Variants in NCBP1 observed in about 807,000 individuals in gnomAD.
NCBP1 encodes the protein nuclear cap-binding protein subunit 1.
Under a neutral mutation model 111.7 loss-of-function variants are expected in NCBP1, and 16 were observed. The observed-to-expected ratio is 0.14, with a 90% CI of 0.10 to 0.22. The LOEUF is 0.22. Ranked by LOEUF, NCBP1 falls within the 10% of genes least tolerant of loss-of-function variation. NCBP1 has a pLI of 1.00. For synonymous variants in NCBP1, 304 were observed against 314.3 expected, an observed-to-expected ratio of 0.97 and a Z score of 0.35; for missense variants, 607 against 957.5, an observed-to-expected ratio of 0.63 and a Z score of 4.83.
chr9:97,643,987 G>A (rs1827269378), intron 4 of NCBP1, among the ~76,000 whole-genome samples: 1 of 152,134 alleles, frequency 6.6e-6, no homozygotes, highest in Non-Finnish European at 1.5e-5. Context: ...CCTTCCCATT[G>A]TCTACAGTGA....
At chr9:97,640,299 A>C (rs1247931496) in intron 1 of NCBP1, among the ~76,000 whole-genome samples, 2 of 152,068 alleles carry the variant, frequency 1.3e-5, no homozygotes, top group Admixed American at 1.3e-4. Context: ...TTTTCTGATC[A>C]AGTCTTTCCA....
Position 97,641,553 on chromosome 9 carries a change from C to T in NCBP1, c.124-9C>T. The T allele has an allele frequency of 6.2e-7, 1 of 1,600,458 alleles. No homozygotes were observed. Among genetic ancestry groups the T allele is most frequent in the Non-Finnish European group, 8.5e-7 (1 of 1,171,032 alleles). ...ACTTGACAGATATTTAATGTGATGTCCTCTACAGAGTGCCTGCTCTTTGGA... is the reference window on the plus strand; with the variant it reads ...ACTTGACAGATATTTAATGTGATGTTCTCTACAGAGTGCCTGCTCTTTGGA... On this transcript the variant is annotated splice_polypyrimidine_tract_variant and intron_variant, in intron 2 of 22. Coordinates refer to ENST00000375147, the MANE Select transcript of NCBP1 (RefSeq NM_002486.5).
chr9:97,668,464 G>A (rs1450810633), intron 20 of NCBP1, among the ~76,000 whole-genome samples: 5 of 152,128 alleles, frequency 3.3e-5, no homozygotes, highest in Admixed American at 1.3e-4. Context: ...GAGCAGCCTT[G>A]GCCCATAGGA....
intron 3 of NCBP1, among the ~76,000 whole-genome samples, 177 bp from the exon 4 acceptor site, chr9:97,643,027 A>G (rs1385069251): frequency 6.6e-6 from 1 of 152,084 alleles, no homozygotes; most frequent in South Asian, 2.1e-4. Flanking sequence ...ATGAAAAATT[A>G]CGGGACTATG....
At chr9:97,647,609 A>G (rs753881056) in intron 7 of NCBP1, 48 bp downstream of exon 7, 3 of 1,429,752 alleles carry the variant, frequency 2.1e-6, no homozygotes, top group Non-Finnish European at 3.0e-6. Context: ...CAGCTCTTGA[A>G]TAGATTCTTA....
intron 1 of NCBP1, among the ~76,000 whole-genome samples, chr9:97,636,559 TATAA>T (rs1827037513): frequency 6.9e-6 from 1 of 145,486 alleles, no homozygotes; most frequent in South Asian, 2.1e-4. Context: ...ATAAGTTTTA[TATAA>T]ATATATACTC....
chr9:97,671,518 A>G lies in NCBP1; in HGVS notation c.*319A>G, dbSNP rs571249439. 8.1e-5 allele frequency: 20 copies of G among 246,028 alleles called. No homozygotes were observed. The South Asian group carries it at 9.8e-4, about 12-fold the overall frequency. The allele number at this position is 246,028 out of a possible 1,614,324, so 15.2% of individuals were successfully genotyped here. On this transcript the variant is annotated 3_prime_UTR_variant, in exon 23 of 23. Transcript: ENST00000375147. ...GAGGTATGTGAAACACTAGAGGTCA[A>G]CCTTACATAGTATATAGAACTGATG...
chr9:97,672,916 C>CA lies in NCBP1; in HGVS notation c.*1718dup, dbSNP rs1274759314. On this transcript the variant is annotated 3_prime_UTR_variant, in exon 23 of 23. Transcript: ENST00000375147. ...GGCTGAGGCGGGCGGATCACAAGGT[C>CA]AGGAGATTGAGACCATCCTGGCTAA... 6.5e-6 allele frequency: 1 copy of CA among 152,964 alleles called. No individual in the cohort carries two copies. The highest frequency in any genetic ancestry group is 6.5e-5 in the Admixed American group (1 of 15,280). The allele number at this position is 152,964 out of a possible 1,614,324, so 9.5% of individuals were successfully genotyped here.
At chr9:97,651,870 T>C (rs1210100673) in intron 10 of NCBP1, among the ~76,000 whole-genome samples, 1 of 152,144 alleles carries the variant, frequency 6.6e-6, no homozygotes, top group African/African-American at 2.4e-5. Context: ...GCCAAGCAGT[T>C]TAGAAATAGA....
intron 4 of NCBP1, 109 bp from the exon 5 acceptor site, chr9:97,645,008 T>C: frequency 1.3e-6 from 1 of 763,048 alleles, no homozygotes; most frequent in Middle Eastern, 2.5e-4. Flanking sequence ...GATTCAGCCC[T>C]TAGGCTATAG....
At chr9:97,651,439 C>G in intron 10 of NCBP1, 66 bp downstream of exon 10, 1 of 1,318,988 alleles carries the variant, frequency 7.6e-7, no homozygotes, top group Non-Finnish European at 1.1e-6. Flanking sequence ...AAAGTATGAT[C>G]TACTCTTGGC....
At chr9:97,641,073 A>G (rs960649208) in intron 2 of NCBP1, among the ~76,000 whole-genome samples, 191 bp downstream of exon 2, 2 of 152,210 alleles carry the variant, frequency 1.3e-5, no homozygotes, top group African/African-American at 4.8e-5. Flanking sequence ...GTACTTTAGT[A>G]ATTAATAATT....
intron 17 of NCBP1, 24 bp downstream of exon 17, chr9:97,662,168 C>T (rs775644636): frequency 4.5e-5 from 71 of 1,570,770 alleles, no homozygotes; most frequent in Non-Finnish European, 5.9e-5. Context: ...CAGAGCCTTG[C>T]TTGAGAGTTT....
chr9:97,636,486 T>G (rs1356169926), intron 1 of NCBP1, among the ~76,000 whole-genome samples: 2 of 124,352 alleles, frequency 1.6e-5, no homozygotes, highest in East Asian at 4.3e-4. Flanking sequence ...TATTTATATA[T>G]TATATAAATT....
At chr9:97,635,222 G>A (rs967929819) in intron 1 of NCBP1, among the ~76,000 whole-genome samples, 1 of 152,170 alleles carries the variant, frequency 6.6e-6, no homozygotes, top group Non-Finnish European at 1.5e-5. Context: ...TGACACCTAA[G>A]GGTCTAGAGA....
At chr9:97,658,601 GAT>G in intron 14 of NCBP1, 37 bp from the exon 15 acceptor site, 1 of 1,484,716 alleles carries the variant, frequency 6.7e-7, no homozygotes, top group Non-Finnish European at 9.4e-7. Flanking sequence ...GAATGGGACT[GAT>G]AAAAGATATT....
chr9:97,669,487 A>G, intron 21 of NCBP1, 106 bp from the exon 22 acceptor site: 1 of 715,504 alleles, frequency 1.4e-6, no homozygotes, highest in Non-Finnish European at 2.4e-6. Flanking sequence ...CACACCACAA[A>G]GACAGGGTGG....
intron 1 of NCBP1, chr9:97,635,974 G>A (rs1370597161): frequency 1.3e-5 from 2 of 152,166 alleles, no homozygotes; most frequent in African/African-American, 4.8e-5. Context: ...TAACTTTCTT[G>A]GAGTTGGCTT....
chr9:97,652,471 AAAAG>A (rs1396122238), intron 10 of NCBP1, among the ~76,000 whole-genome samples: 21 of 152,326 alleles, frequency 1.4e-4, no homozygotes, highest in East Asian at 7.7e-4. Context: ...TACAAGAAAA[AAAAG>A]AAAGAGCCAG....
Sources: gnomAD v4.1 joint callset for allele counts (sites outside exome capture counted in the v4.1 genomes callset) on GRCh38, gnomAD v4.1.1 for gene constraint, MANE v1.5 for transcripts, NCBI Gene and HGNC (gene_info 2026-07-23, HGNC 2026-07-21) for gene names.